The following CNTNAP2 variants were observed in gnomAD, a reference collection of about 807,000 sequenced individuals.
CNTNAP2 encodes contactin associated protein 2, also known as contactin-associated protein-like 2.
A neutral mutation model predicts 155.2 loss-of-function variants in CNTNAP2; 98 were observed. The ratio of observed to expected loss-of-function variants is 0.63; its 90% CI spans 0.54 to 0.75. The LOEUF (loss-of-function observed/expected upper bound fraction) is 0.75. CNTNAP2 is among the 30% of genes least tolerant of loss of function. The probability of loss-of-function intolerance (pLI) is 0.00; values close to 1 mark genes in which losing one functional copy is unlikely to be tolerated. For missense variants in CNTNAP2, 1,727 were observed against 1,688.1 expected, an observed-to-expected ratio of 1.02 and a Z score of -0.40; for synonymous variants, 651 against 631.2, an observed-to-expected ratio of 1.03 and a Z score of -0.47.
At chr7:147,740,419 G>A (rs75548091) in intron 13 of CNTNAP2, among the ~76,000 whole-genome samples, 4,155 of 152,236 alleles carry the variant, frequency 0.027, 186 homozygotes, top group African/African-American at 0.094. Flanking sequence ...GCTACAGCTC[G>A]TTCGCTGACA....
chr7:146,337,661 G>A (rs1483159584), intron 1 of CNTNAP2, among the ~76,000 whole-genome samples: 1 of 151,894 alleles, frequency 6.6e-6, no homozygotes, highest in Non-Finnish European at 1.5e-5. Context: ...GTAGAGATGA[G>A]GTCTCATTAT....
Position 148,415,930 on chromosome 7 carries a change from C to G in CNTNAP2, c.*314C>G. The G allele has an allele frequency of 2.5e-6, 1 of 397,432 alleles. No individual in the cohort carries two copies. Among genetic ancestry groups the G allele is most frequent in the Non-Finnish European group, 4.5e-6 (1 of 222,352 alleles). The allele number at this position is 397,432 out of a possible 1,614,324, so 24.6% of individuals were successfully genotyped here. A position where few individuals can be genotyped will look rare whatever the true frequency, so the allele number is the denominator to read the frequency against. ...TATTTTGTGTGTGTTTAGAGGTGTTCTAAAGACCCGTGGTAACAGGGCAAG... is the reference window on the plus strand; with the variant it reads ...TATTTTGTGTGTGTTTAGAGGTGTTGTAAAGACCCGTGGTAACAGGGCAAG... On this transcript the variant is annotated 3_prime_UTR_variant, in exon 24 of 24. Coordinates refer to ENST00000361727, the MANE Select transcript of CNTNAP2 (RefSeq NM_014141.6).
intron 23 of CNTNAP2, among the ~76,000 whole-genome samples, chr7:148,411,056 G>A (rs1401827254): frequency 3.3e-5 from 5 of 152,110 alleles, no homozygotes; most frequent in Non-Finnish European, 7.3e-5. Flanking sequence ...ACAAGCTGTA[G>A]CATCTAAAAT....
intron 4 of CNTNAP2, among the ~76,000 whole-genome samples, chr7:147,061,805 T>C (rs1203222355): frequency 2.6e-5 from 4 of 152,210 alleles, no homozygotes; most frequent in Non-Finnish European, 5.9e-5. Context: ...AATAAACTAG[T>C]ATACTTAGTA....
intron 10 of CNTNAP2, among the ~76,000 whole-genome samples, chr7:147,444,523 T>G (rs1359044591): frequency 7.3e-6 from 1 of 136,460 alleles, no homozygotes; most frequent in Non-Finnish European, 1.5e-5. Flanking sequence ...TAATTAAATT[T>G]TCTTTTTTTT....
chr7:148,390,978 G>T (rs1190157975), intron 22 of CNTNAP2, among the ~76,000 whole-genome samples: 1 of 152,180 alleles, frequency 6.6e-6, no homozygotes, highest in Non-Finnish European at 1.5e-5. Context: ...GCCATTATGG[G>T]AAGCAAATAG....
At chr7:146,908,165 C>T (rs1039890864) in intron 3 of CNTNAP2, among the ~76,000 whole-genome samples, 4 of 152,068 alleles carry the variant, frequency 2.6e-5, no homozygotes, top group Admixed American at 6.6e-5. Context: ...TCCTGAGTGA[C>T]CTACAAAGAG....
intron 9 of CNTNAP2, among the ~76,000 whole-genome samples, chr7:147,324,095 G>A (rs2620464): frequency 0.49 from 74,456 of 151,618 alleles, 19,444 homozygotes; most frequent in East Asian, 0.73. Flanking sequence ...GAAATTAAGA[G>A]GCCAGAGAAA....
chr7:147,253,234 G>A (rs912563191), intron 8 of CNTNAP2, among the ~76,000 whole-genome samples: 3 of 152,018 alleles, frequency 2.0e-5, no homozygotes, highest in Non-Finnish European at 2.9e-5. Flanking sequence ...TGGAGCATAG[G>A]CACTGTGATT....
chr7:148,160,847 C>T (rs1805519658), intron 17 of CNTNAP2, among the ~76,000 whole-genome samples: 1 of 152,106 alleles, frequency 6.6e-6, no homozygotes, highest in Non-Finnish European at 1.5e-5. Context: ...CTGGAAATAC[C>T]AGATATTTCT....
chr7:148,399,079 G>A (rs991595986), intron 22 of CNTNAP2, among the ~76,000 whole-genome samples: 1 of 152,098 alleles, frequency 6.6e-6, no homozygotes, highest in African/African-American at 2.4e-5. Context: ...CTGTATAGCA[G>A]GTGTGTTCAC....
Position 147,128,743 on chromosome 7 carries a change from A to G in CNTNAP2, c.990A>G (p.Arg330=). The change falls in exon 7 of 24, where the codon AGA becomes AGG. Residue 330 remains arginine (R), a synonymous_variant. Transcript: ENST00000361727. Reference sequence around the variant, plus strand: ...CTGGCAAGCCCAGCTCCAGCAGTAGAAAGAATTTCAAAGGCTGCATGGAAA... The same window carrying G: ...CTGGCAAGCCCAGCTCCAGCAGTAGGAAGAATTTCAAAGGCTGCATGGAAA... ...PFSGKPSSSS[R]KNFKGCMESI... 6.2e-7 allele frequency: 1 copy of G among 1,614,080 alleles called. No individual in the cohort carries two copies.
intron 1 of CNTNAP2, among the ~76,000 whole-genome samples, chr7:146,418,522 A>G (rs547558629): frequency 6.1e-4 from 93 of 152,290 alleles, no homozygotes; most frequent in African/African-American, 2.2e-3. Context: ...AATAGTTTTT[A>G]AAAGAGAAAA....
chr7:147,340,734 T>A (rs1046608007), intron 9 of CNTNAP2, among the ~76,000 whole-genome samples: 13 of 152,164 alleles, frequency 8.5e-5, no homozygotes, highest in African/African-American at 3.1e-4. Flanking sequence ...ATATTTAAAT[T>A]GGGATAAAGT....
intron 1 of CNTNAP2, among the ~76,000 whole-genome samples, chr7:146,587,400 T>A (rs2129148844): frequency 6.6e-6 from 1 of 152,124 alleles, no homozygotes; most frequent in African/African-American, 2.4e-5. Context: ...AACTGAGGAG[T>A]GGGGTCCCCT....
chr7:147,431,161 G>A (rs1196151703), intron 10 of CNTNAP2, among the ~76,000 whole-genome samples: 1 of 151,912 alleles, frequency 6.6e-6, no homozygotes, highest in Non-Finnish European at 1.5e-5. Context: ...TGATTAGGTT[G>A]GTTTGAGCAA....
intron 1 of CNTNAP2, among the ~76,000 whole-genome samples, chr7:146,596,730 T>C (rs1798868410): frequency 6.6e-6 from 1 of 151,762 alleles, no homozygotes; most frequent in Admixed American, 6.6e-5. Context: ...CCAGACAGCA[T>C]GGATTCGAAA....
chr7:147,254,846 G>A (rs1336595430), intron 8 of CNTNAP2, among the ~76,000 whole-genome samples: 7 of 152,086 alleles, frequency 4.6e-5, no homozygotes, highest in South Asian at 2.1e-4. Context: ...CTTCTATTTC[G>A]TGTTTCAGCA....
chr7:147,842,580 TA>T (rs1798766274), intron 13 of CNTNAP2, among the ~76,000 whole-genome samples: 2 of 96,630 alleles, frequency 2.1e-5, no homozygotes, highest in Non-Finnish European at 4.1e-5. Flanking sequence ...TTTTACTTTT[TA>T]CTTTTCTTTT....
Sources: allele counts gnomAD v4.1 joint callset (sites outside exome capture counted in the v4.1 genomes callset), GRCh38; gene constraint gnomAD v4.1.1; transcripts MANE v1.5; gene names NCBI Gene and HGNC (gene_info 2026-07-23, HGNC 2026-07-21).